TSNARE1: variants seen among roughly 807,000 people sequenced by gnomAD.
TSNARE1 encodes the protein t-SNARE domain-containing protein 1.
In TSNARE1, 49 loss-of-function variants were observed where a neutral mutation model predicts 62.0. The ratio of observed to expected loss-of-function variants is 0.79; its 90% confidence interval spans 0.63 to 1.00. The LOEUF (loss-of-function observed/expected upper bound fraction) is 1.00. Ranked by LOEUF, TSNARE1 falls within the 50% of genes least tolerant of loss-of-function variation. TSNARE1 has a pLI of 0.00. For synonymous variants in TSNARE1, 328 were observed against 294.4 expected (o/e 1.11, Z -1.17); for missense variants, 755 against 700.1 (o/e 1.08, Z -0.88).
intron 5 of TSNARE1, 137 bp downstream of exon 5, chr8:142,331,617 G>A (rs1272086480): frequency 1.3e-6 from 1 of 795,372 alleles, no homozygotes; most frequent in African/African-American, 1.7e-5. Flanking sequence ...CGTCGCATCA[G>A]TGGACCCACG....
At chr8:142,351,066 T>C (rs908214901) in intron 2 of TSNARE1, among the ~76,000 whole-genome samples, 1 of 152,138 alleles carries the variant, frequency 6.6e-6, no homozygotes, top group Non-Finnish European at 1.5e-5. Flanking sequence ...CACGCTGAAA[T>C]ATTACCAGAT....
At chr8:142,253,878 G>A (rs963166131) in intron 12 of TSNARE1, among the ~76,000 whole-genome samples, 2 of 152,244 alleles carry the variant, frequency 1.3e-5, no homozygotes, top group Non-Finnish European at 2.9e-5. Flanking sequence ...GTGGGTGAGG[G>A]AGGTGGGAGG....
chr8:142,259,026 C>G (rs958648310), intron 12 of TSNARE1, among the ~76,000 whole-genome samples: 1 of 152,182 alleles, frequency 6.6e-6, no homozygotes, highest in Admixed American at 6.5e-5. Flanking sequence ...CAAGCTCAGG[C>G]GAGATACATC....
intron 13 of TSNARE1, among the ~76,000 whole-genome samples, chr8:142,221,548 T>C (rs1430071042): frequency 6.6e-6 from 1 of 152,256 alleles, no homozygotes; most frequent in Non-Finnish European, 1.5e-5. Flanking sequence ...TTCTATTTAC[T>C]GAGGCCCAGC....
At chr8:142,220,341 C>T (rs1204827358) in intron 13 of TSNARE1, among the ~76,000 whole-genome samples, 2 of 152,172 alleles carry the variant, frequency 1.3e-5, no homozygotes, top group African/African-American at 4.8e-5. Flanking sequence ...CTCTGCTGCC[C>T]AGCTCTGCCT....
At chr8:142,283,047 G>C (rs1161866184) in intron 11 of TSNARE1, among the ~76,000 whole-genome samples, 2 of 148,064 alleles carry the variant, frequency 1.4e-5, no homozygotes, top group African/African-American at 5.2e-5. Context: ...GCAGAGGCGG[G>C]ACCAGTGTCT....
intron 11 of TSNARE1, chr8:142,278,785 G>A (rs1022340315): frequency 4.1e-6 from 4 of 985,314 alleles, no homozygotes; most frequent in East Asian, 1.1e-4. Flanking sequence ...ACAGCACCAC[G>A]TGTGGGGCTT....
intron 12 of TSNARE1, among the ~76,000 whole-genome samples, chr8:142,243,745 T>C (rs962169206): frequency 5.9e-5 from 9 of 152,300 alleles, no homozygotes; most frequent in African/African-American, 2.2e-4. Context: ...TAAGAGAATG[T>C]ATTTAAAATG....
chr8:142,212,411 T>A (rs1347656576), intron 13 of TSNARE1, 98 bp from the exon 14 acceptor site: 1 of 152,252 alleles, frequency 6.6e-6, no homozygotes, highest in Non-Finnish European at 1.5e-5. Flanking sequence ...CTGGGCCTGG[T>A]CTGGGGGCTG....
rs1817001263 is a variant in TSNARE1, at chr8:142,229,499, G to C, written c.1527C>G (p.Thr509=). ...ALLVIIIIIA[T]SVRK ...ACGGGTAGCATCACTTTCGGACAGA[G>C]GTGGCGATGATGATGATGATGACAA... is the stretch of plus-strand genomic sequence containing the variant. Residue 509 remains threonine (T), a synonymous_variant, in exon 13 of 14, where the codon ACC becomes ACG. Coordinates refer to ENST00000524325, the MANE Select transcript of TSNARE1 (RefSeq NM_145003.5). 6.2e-7 allele frequency: 1 copy of C among 1,614,128 alleles called. No homozygotes were observed.
At chr8:142,258,983 G>C (rs898617338) in intron 12 of TSNARE1, among the ~76,000 whole-genome samples, 1 of 152,194 alleles carries the variant, frequency 6.6e-6, no homozygotes, top group South Asian at 2.1e-4. Flanking sequence ...GCCAGCCCAA[G>C]GGGCCCCTGA....
intron 12 of TSNARE1, among the ~76,000 whole-genome samples, chr8:142,240,371 G>A (rs1817622808): frequency 8.9e-6 from 1 of 112,058 alleles, no homozygotes; most frequent in Non-Finnish European, 2.0e-5. Context: ...AAAGCTACTG[G>A]GAGAAATTTC....
intron 12 of TSNARE1, among the ~76,000 whole-genome samples, chr8:142,242,972 C>T (rs1286577236): frequency 9.1e-6 from 1 of 109,360 alleles, no homozygotes; most frequent in Non-Finnish European, 1.9e-5. Flanking sequence ...AAAAAAAAAG[C>T]TAACAGATAT....
At chr8:142,283,616 G>A (rs551990905) in intron 11 of TSNARE1, among the ~76,000 whole-genome samples, 428 of 141,576 alleles carry the variant, frequency 3.0e-3, no homozygotes, top group Non-Finnish European at 4.9e-3. Context: ...TCAACGAGCA[G>A]AGGCAGGGAC....
At chr8:142,333,041 G>A (rs1488741831) in intron 4 of TSNARE1, among the ~76,000 whole-genome samples, 14 of 152,326 alleles carry the variant, frequency 9.2e-5, no homozygotes, top group African/African-American at 1.4e-4. Flanking sequence ...CGAACGGGGC[G>A]AAGGTCGAGA....
chr8:142,362,974 CCCTGGACGCTCGGGT>C (rs1835272275), intron 1 of TSNARE1, among the ~76,000 whole-genome samples: 1 of 152,128 alleles, frequency 6.6e-6, no homozygotes, highest in Non-Finnish European at 1.5e-5. Flanking sequence ...ACTTCCAAAT[CCCTGGACGCTCGGGT>C]CCTGGCCCCA....
At chr8:142,356,964 AAC>A (rs1465292353) in intron 1 of TSNARE1, among the ~76,000 whole-genome samples, 1 of 152,080 alleles carries the variant, frequency 6.6e-6, no homozygotes, top group Non-Finnish European at 1.5e-5. Context: ...ACTTTCAGAG[AAC>A]ACAGAGGAGC....
chr8:142,278,400 C>G, intron 11 of TSNARE1: 2 of 985,480 alleles, frequency 2.0e-6, no homozygotes, highest in Non-Finnish European at 2.4e-6. Context: ...TCTGTCCACT[C>G]TGTGGCCCTC....
rs144275934 is a variant in TSNARE1 at position 142,318,592 on chromosome 8, G to A, written c.936C>T (p.Ser312=). The change falls in exon 7 of 14, where the codon AGC becomes AGT. Residue 312 remains serine (S), a synonymous_variant. Coordinates refer to ENST00000524325, the MANE Select transcript of TSNARE1 (RefSeq NM_145003.5). ...QQETNKTIAA[S]ASSVKQMAEL... is the part of the protein sequence containing the mutation. ...CGGCCATCTGCTTCACGGAGCTGGC[G>A]CTGGCTGCAATGGTCTTGTTGGTCT... The A allele has an allele frequency of 1.7e-5, 28 of 1,613,636 alleles. No homozygotes were observed. Among genetic ancestry groups the A allele is most frequent in the African/African-American group, 2.7e-5 (2 of 74,914 alleles).
Sources: allele counts gnomAD v4.1 joint callset (sites outside exome capture counted in the v4.1 genomes callset), GRCh38; gene constraint gnomAD v4.1.1; transcripts MANE v1.5; gene names NCBI Gene and HGNC (gene_info 2026-07-23, HGNC 2026-07-21).